The following DIS3L2 variants were observed in gnomAD, a reference collection of about 807,000 sequenced individuals.
DIS3L2 encodes the protein DIS3 like 3'-5' exoribonuclease 2, also known as DIS3-like exonuclease 2.
A neutral mutation model predicts 97.5 loss-of-function variants in DIS3L2; 34 were observed. The observed-to-expected ratio is 0.35, with a 90% CI of 0.27 to 0.46. The LOEUF (loss-of-function observed/expected upper bound fraction) is 0.46, where lower values mean the gene tolerates loss of function less well. Ranked by LOEUF, DIS3L2 falls within the 20% of genes least tolerant of loss-of-function variation. The pLI, the probability that DIS3L2 is intolerant of heterozygous loss-of-function variation, is 1.00. For synonymous variants in DIS3L2, 435 were observed against 445.2 expected (o/e 0.98, Z 0.29); for missense variants, 1,038 against 1,146.0 (o/e 0.91, Z 1.36).
chr2:231,981,042 C>G (rs930659101), intron 1 of DIS3L2, among the ~76,000 whole-genome samples: 3 of 152,104 alleles, frequency 2.0e-5, no homozygotes, highest in African/African-American at 4.8e-5. Context: ...CTCTCAGGTT[C>G]AAGTGATTCT....
intron 13 of DIS3L2, among the ~76,000 whole-genome samples, chr2:232,285,335 C>G (rs1347944481): frequency 6.6e-6 from 1 of 152,190 alleles, no homozygotes; most frequent in East Asian, 1.9e-4. Flanking sequence ...CCTGCAGGCT[C>G]CAAGCTTGAC....
At chr2:232,079,599 C>CA (rs760870721) in intron 5 of DIS3L2, among the ~76,000 whole-genome samples, 3,269 of 29,492 alleles carry the variant, frequency 0.11, 543 homozygotes, top group East Asian at 0.43. Context: ...GACTCTATCT[C>CA]AAAAAAAAAA....
intron 7 of DIS3L2, chr2:232,131,801 A>G (rs987961138): frequency 3.3e-5 from 5 of 152,030 alleles, no homozygotes; most frequent in Non-Finnish European, 7.4e-5. Context: ...TACTCTATAT[A>G]TTTGAGTACT....
At chr2:232,048,221 T>G (rs956787949) in intron 5 of DIS3L2, among the ~76,000 whole-genome samples, 12 of 152,190 alleles carry the variant, frequency 7.9e-5, no homozygotes, top group Non-Finnish European at 1.8e-4. Flanking sequence ...AGTTAAGCCC[T>G]AAAATTACTT....
Position 232,014,960 on chromosome 2 carries a change from GCC to G in DIS3L2, c.36_37del (p.Leu13GlyfsTer14). 6.2e-7 allele frequency: 1 copy of G among 1,614,018 alleles called. No individual in the cohort carries two copies. Among genetic ancestry groups the G allele is most frequent in the Non-Finnish European group, 8.5e-7 (1 of 1,179,932 alleles). On this transcript the variant is annotated frameshift_variant, in exon 2 of 21. Coordinates refer to ENST00000325385, the MANE Select transcript of DIS3L2 (RefSeq NM_152383.5). LOFTEE classifies it high-confidence loss of function. ...ATCCTGACTACAGAATGAACCTCCGGCCCCTGGGGACCCCCAGAGGTAGTAAA... is the reference window on the plus strand; with the variant it reads ...ATCCTGACTACAGAATGAACCTCCGGCCTGGGGACCCCCAGAGGTAGTAAA... ...SHPDYRMNLR[P>X]LGTPRGVSAV... is the part of the protein sequence containing the mutation.
intron 8 of DIS3L2, among the ~76,000 whole-genome samples, chr2:232,139,135 A>C (rs546560464): frequency 6.6e-6 from 1 of 152,370 alleles, no homozygotes; most frequent in South Asian, 2.1e-4. Flanking sequence ...AGAGATTAAT[A>C]TAAGAAGCTG....
At chr2:232,003,594 GC>G in intron 1 of DIS3L2, among the ~76,000 whole-genome samples, 1 of 152,048 alleles carries the variant, frequency 6.6e-6, no homozygotes, top group East Asian at 1.9e-4. Flanking sequence ...TTTCCCTTTA[GC>G]CTGAAGAACT....
chr2:232,289,893 A>G (rs1694550505), intron 13 of DIS3L2, among the ~76,000 whole-genome samples: 1 of 152,268 alleles, frequency 6.6e-6, no homozygotes, highest in African/African-American at 2.4e-5. Flanking sequence ...AGCTTTATTT[A>G]GAAAGCAGAT....
At chr2:232,190,930 A>G (rs973117067) in intron 9 of DIS3L2, among the ~76,000 whole-genome samples, 3 of 152,230 alleles carry the variant, frequency 2.0e-5, no homozygotes, top group African/African-American at 7.2e-5. Flanking sequence ...GTTCCAAACA[A>G]GGGTGAGTTA....
intron 14 of DIS3L2, among the ~76,000 whole-genome samples, chr2:232,321,884 T>C (rs1035171343): frequency 3.3e-5 from 5 of 152,066 alleles, no homozygotes; most frequent in Non-Finnish European, 7.4e-5. Context: ...GGGCCATGTG[T>C]GTGCGCCTGT....
At chr2:232,169,052 G>T (rs1012049991) in intron 9 of DIS3L2, among the ~76,000 whole-genome samples, 1 of 152,134 alleles carries the variant, frequency 6.6e-6, no homozygotes, top group African/African-American at 2.4e-5. Flanking sequence ...CTATTAAGCA[G>T]TAGTCAAATG....
chr2:232,132,547 A>G (rs1260190710), intron 7 of DIS3L2, among the ~76,000 whole-genome samples: 1 of 152,074 alleles, frequency 6.6e-6, no homozygotes. Context: ...GGACCTCACA[A>G]CCCCCACCAA....
chr2:232,263,819 A>AG (rs1334333022), intron 13 of DIS3L2, among the ~76,000 whole-genome samples: 4 of 152,212 alleles, frequency 2.6e-5, no homozygotes, highest in Non-Finnish European at 4.4e-5. Context: ...AGGCAAGAAT[A>AG]GGAGACACGG....
At chr2:232,339,610 C>G (rs1559223724), downstream of DIS3L2, 1 of 409,922 alleles carries the variant, frequency 2.4e-6, no homozygotes, top group Non-Finnish European at 5.0e-6. Context: ...GGACAAGAGC[C>G]TCTCCAGGCC....
intron 13 of DIS3L2, among the ~76,000 whole-genome samples, chr2:232,289,560 A>G (rs1329547322): frequency 6.6e-6 from 1 of 152,204 alleles, no homozygotes; most frequent in Non-Finnish European, 1.5e-5. Context: ...GGCATGAGCC[A>G]CCGCGCCCAG....
intron 12 of DIS3L2, among the ~76,000 whole-genome samples, chr2:232,254,678 A>G (rs978537399): frequency 3.9e-5 from 6 of 152,218 alleles, no homozygotes; most frequent in Non-Finnish European, 5.9e-5. Context: ...ATGAGCTTCT[A>G]AAATATGAGG....
intron 6 of DIS3L2, among the ~76,000 whole-genome samples, chr2:232,124,634 A>G (rs1380510562): frequency 1.3e-5 from 2 of 152,332 alleles, no homozygotes; most frequent in South Asian, 4.1e-4. Flanking sequence ...TTAGAGTTCT[A>G]GAAGAAGATG....
intron 8 of DIS3L2, among the ~76,000 whole-genome samples, chr2:232,140,548 G>T (rs1698482220): frequency 6.6e-6 from 1 of 152,134 alleles, no homozygotes. Context: ...GCTTGACAAT[G>T]GCATACAACA....
intron 6 of DIS3L2, among the ~76,000 whole-genome samples, chr2:232,104,453 A>G (rs1373774156): frequency 3.9e-5 from 6 of 152,072 alleles, no homozygotes; most frequent in South Asian, 4.1e-4. Context: ...CATTTTAGCA[A>G]TTTTTAAGTG....
Sources: gnomAD v4.1 joint callset for allele counts (sites outside exome capture counted in the v4.1 genomes callset) on GRCh38, gnomAD v4.1.1 for gene constraint, MANE v1.5 for transcripts, NCBI Gene and HGNC (gene_info 2026-07-23, HGNC 2026-07-21) for gene names.